CCDC3: variants seen among roughly 807,000 people sequenced by gnomAD.
CCDC3 encodes the protein coiled-coil domain containing 3.
A neutral mutation model predicts 21.4 loss-of-function variants in CCDC3; 24 were observed. The observed-to-expected ratio is 1.12, with a 90% CI of 0.81 to 1.58. The LOEUF (loss-of-function observed/expected upper bound fraction) is 1.58, where lower values mean the gene tolerates loss of function less well. Ranked by LOEUF, CCDC3 falls within the 40% of genes most tolerant of loss-of-function variation. CCDC3 has a pLI of 0.00. For synonymous variants in CCDC3, 186 were observed against 166.0 expected (o/e 1.12, Z -0.93); for missense variants, 425 against 360.9 (o/e 1.18, Z -1.44).
intron 1 of CCDC3, chr10:13,099,357 C>T (rs978592741): frequency 6.7e-6 from 1 of 149,590 alleles, no homozygotes; most frequent in Non-Finnish European, 1.5e-5. Context: ...TTTTTCTCTC[C>T]CTCTCTCCCT....
intron 2 of CCDC3, among the ~76,000 whole-genome samples, chr10:12,928,599 C>A (rs1834585102): frequency 6.6e-6 from 1 of 152,186 alleles, no homozygotes; most frequent in African/African-American, 2.4e-5. Context: ...TCTGGGACTC[C>A]TGTTAGACGT....
chr10:13,080,078 A>C (rs1281220250), intron 3 of CCDC3, among the ~76,000 whole-genome samples: 1 of 152,172 alleles, frequency 6.6e-6, no homozygotes, highest in Non-Finnish European at 1.5e-5. Flanking sequence ...AACAACTTGA[A>C]CCTGGCATCT....
At chr10:12,960,751 T>C (rs1267113592) in intron 2 of CCDC3, among the ~76,000 whole-genome samples, 2 of 152,086 alleles carry the variant, frequency 1.3e-5, no homozygotes, top group Non-Finnish European at 2.9e-5. Flanking sequence ...TCAACACAGA[T>C]AAAGAATCGC....
At chr10:12,948,174 T>TC (rs1233412382) in intron 2 of CCDC3, among the ~76,000 whole-genome samples, 2 of 152,068 alleles carry the variant, frequency 1.3e-5, no homozygotes, top group African/African-American at 4.8e-5. Context: ...AAAGGGCAGT[T>TC]CCCCTGCACA....
chr10:12,955,324 G>A (rs1249123322), intron 2 of CCDC3, among the ~76,000 whole-genome samples: 1 of 152,148 alleles, frequency 6.6e-6, no homozygotes, highest in Non-Finnish European at 1.5e-5. Flanking sequence ...TGCTTAAGAA[G>A]ACTCTACTAC....
At chr10:13,005,867 A>C (rs770366960), upstream of CCDC3, among the ~76,000 whole-genome samples, 1 of 152,218 alleles carries the variant, frequency 6.6e-6, no homozygotes, top group Non-Finnish European at 1.5e-5. Flanking sequence ...TAAATGTGGC[A>C]TATGTTCCCT....
chr10:13,021,036 GGTTT>G (rs1222202896), intron 5 of CCDC3, among the ~76,000 whole-genome samples: 1 of 152,032 alleles, frequency 6.6e-6, no homozygotes, highest in African/African-American at 2.4e-5. Context: ...GCTTTTTGGA[GGTTT>G]ATTTAGCACT....
At chr10:12,914,596 C>T (rs1391003118) in intron 2 of CCDC3, among the ~76,000 whole-genome samples, 2 of 152,058 alleles carry the variant, frequency 1.3e-5, no homozygotes, top group Non-Finnish European at 2.9e-5. Flanking sequence ...AGGCATACAC[C>T]ACCATGCCTG....
At chr10:12,947,601 T>C (rs1834934956) in intron 2 of CCDC3, among the ~76,000 whole-genome samples, 1 of 152,226 alleles carries the variant, frequency 6.6e-6, no homozygotes, top group East Asian at 1.9e-4. Context: ...TCAAGTAGAT[T>C]ATACACTCCC....
intron 5 of CCDC3, among the ~76,000 whole-genome samples, chr10:13,021,949 G>A (rs1031997559): frequency 2.6e-5 from 4 of 151,962 alleles, no homozygotes; most frequent in Non-Finnish European, 5.9e-5. Context: ...TAATAGAGAC[G>A]GGGTTTCACC....
Position 12,987,348 on chromosome 10 carries a change from C to T in CCDC3, c.549+10990G>A, listed in dbSNP as rs4750294. ...ATTTTCTATGTGGATGGAATAAACG[C>T]CCATCTGCCTGGAGATCTTATGGGA... On this transcript the variant is annotated intron_variant, in intron 2 of 2. Transcript: ENST00000378825. 6.7e-3 allele frequency among the ~76,000 whole-genome samples: 1,028 copies of T among 152,310 alleles called. 25 individuals carry two copies. Among genetic ancestry groups the T allele is most frequent in the Admixed American group, 0.043 (656 of 15,296 alleles).
At chr10:13,034,057 G>T (rs981225402) in intron 5 of CCDC3, among the ~76,000 whole-genome samples, 3 of 152,046 alleles carry the variant, frequency 2.0e-5, no homozygotes, top group African/African-American at 7.3e-5. Context: ...GTTTATTGTG[G>T]CACTATTCAC....
upstream of CCDC3, among the ~76,000 whole-genome samples, chr10:13,003,056 A>G (rs1835878580): frequency 6.6e-6 from 1 of 152,210 alleles, no homozygotes; most frequent in Admixed American, 6.5e-5. Context: ...GCACTTCAAC[A>G]TATGAATTTG....
intron 2 of CCDC3, among the ~76,000 whole-genome samples, chr10:12,923,456 C>T (rs779920910): frequency 6.6e-6 from 1 of 152,116 alleles, no homozygotes; most frequent in African/African-American, 2.4e-5. Context: ...TAAGTGGCAC[C>T]GTTTGCATGG....
At chr10:12,945,761 G>A (rs12244910) in intron 2 of CCDC3, among the ~76,000 whole-genome samples, 18,577 of 152,112 alleles carry the variant, frequency 0.12, 1,158 homozygotes, top group Middle Eastern at 0.18. Context: ...CTTCGATTAA[G>A]AAAATGGAAT....
intron 2 of CCDC3, among the ~76,000 whole-genome samples, chr10:12,908,798 G>A (rs924381530): frequency 3.3e-5 from 5 of 151,960 alleles, no homozygotes; most frequent in Admixed American, 6.6e-5. Context: ...TCACTGTGTT[G>A]GCCAGGCTGG....
intron 2 of CCDC3, among the ~76,000 whole-genome samples, chr10:12,914,033 G>A (rs1387531538): frequency 6.6e-6 from 1 of 152,092 alleles, no homozygotes; most frequent in African/African-American, 2.4e-5. Flanking sequence ...GAGATTTTTG[G>A]CTTGTAACAG....
intron 3 of CCDC3, among the ~76,000 whole-genome samples, chr10:13,093,547 T>C (rs1832600680): frequency 6.6e-6 from 1 of 152,188 alleles, no homozygotes; most frequent in Admixed American, 6.5e-5. Context: ...ACTAAAATTG[T>C]ATACCAAATA....
At chr10:13,079,213 C>A (rs1837002569) in intron 3 of CCDC3, among the ~76,000 whole-genome samples, 2 of 152,160 alleles carry the variant, frequency 1.3e-5, no homozygotes, top group Admixed American at 1.3e-4. Context: ...AATGGTGGCA[C>A]ATATGGGGAT....
Sources: allele counts gnomAD v4.1 joint callset (sites outside exome capture counted in the v4.1 genomes callset), GRCh38; gene constraint gnomAD v4.1.1; transcripts MANE v1.5; gene names NCBI Gene and HGNC (gene_info 2026-07-23, HGNC 2026-07-21).